Variants in HTRA1 observed in about 807,000 individuals in gnomAD.
HTRA1 encodes the protein serine protease HTRA1.
A neutral mutation model predicts 49.7 loss-of-function variants in HTRA1; 26 were observed. The observed-to-expected ratio is 0.52, with a 90% confidence interval of 0.38 to 0.73. The LOEUF is 0.73. Ranked by LOEUF, HTRA1 falls within the 30% of genes least tolerant of loss-of-function variation. The pLI, the probability that HTRA1 is intolerant of heterozygous loss-of-function variation, is 0.00. For synonymous variants in HTRA1, 291 were observed against 286.9 expected (o/e 1.01, Z -0.14); for missense variants, 561 against 667.2 (o/e 0.84, Z 1.75).
At chr10:122,479,585 G>A (rs2133431343) in intron 1 of HTRA1, among the ~76,000 whole-genome samples, 1 of 152,246 alleles carries the variant, frequency 6.6e-6, no homozygotes, top group East Asian at 1.9e-4. Context: ...TTGAAGGTTG[G>A]GTGGGATTTG....
At chr10:122,489,759 C>A in intron 3 of HTRA1, 133 bp downstream of exon 3, 2 of 842,248 alleles carry the variant, frequency 2.4e-6, no homozygotes, top group East Asian at 2.7e-5. Context: ...CACAGGAGGG[C>A]CTTGAGGAGA....
In HTRA1 at chr10:122,508,968, A is replaced by G. The variant is rs112824514; in HGVS notation, c.1120+198A>G. 5.8e-3 allele frequency among the ~76,000 whole-genome samples: 886 copies of G among 152,346 alleles called. 13 individuals carry two copies. The highest frequency in any genetic ancestry group is 0.019 in the African/African-American group (808 of 41,580). On this transcript the variant is annotated intron_variant, in intron 6 of 8. Transcript: ENST00000368984. ...ATTTCACCATTTTTGTCCTCTGATC[A>G]TGGCAATGTCACTTGAGTCAGTCTA... is the stretch of plus-strand genomic sequence containing the variant.
chr10:122,462,317 C>G (rs2097481844), intron 1 of HTRA1, among the ~76,000 whole-genome samples, 193 bp downstream of exon 1: 1 of 152,264 alleles, frequency 6.6e-6, no homozygotes, highest in Admixed American at 6.5e-5. Flanking sequence ...TCGCGCCCAG[C>G]CCGGGGCCGG....
chr10:122,489,034 C>T (rs749510834), intron 2 of HTRA1, 33 bp downstream of exon 2: 24 of 1,500,856 alleles, frequency 1.6e-5, no homozygotes, highest in East Asian at 2.3e-5. Flanking sequence ...CTATAACCTC[C>T]GAAGCTTTCA....
At chr10:122,467,394 G>C (rs762639887) in intron 1 of HTRA1, among the ~76,000 whole-genome samples, 3 of 152,142 alleles carry the variant, frequency 2.0e-5, no homozygotes, top group South Asian at 2.1e-4. Flanking sequence ...GATCTCTGAG[G>C]CTCCTTTTAA....
At chr10:122,470,002 G>C (rs2097485442) in intron 1 of HTRA1, among the ~76,000 whole-genome samples, 1 of 152,118 alleles carries the variant, frequency 6.6e-6, no homozygotes, top group Non-Finnish European at 1.5e-5. Context: ...AATGTGGTCT[G>C]TCTTGGTGAG....
intron 1 of HTRA1, among the ~76,000 whole-genome samples, chr10:122,485,423 T>C (rs2097492681): frequency 1.3e-5 from 2 of 152,210 alleles, no homozygotes; most frequent in Non-Finnish European, 2.9e-5. Flanking sequence ...ATCTCAAATT[T>C]CACATGTTAT....
At chr10:122,492,135 C>T (rs186225077) in intron 3 of HTRA1, among the ~76,000 whole-genome samples, 2 of 152,140 alleles carry the variant, frequency 1.3e-5, no homozygotes, top group East Asian at 1.9e-4. Flanking sequence ...ATCACCTACA[C>T]GGCTCCTTGT....
rs946472884 is a variant in HTRA1 at position 122,490,847 on chromosome 10, C to G, written c.777+1221C>G. Among the ~76,000 whole-genome samples, 1 of 152,154 alleles carries G rather than the reference C, an allele frequency of 6.6e-6. No individual in the cohort carries two copies. The highest frequency in any genetic ancestry group is 1.5e-5 in the Non-Finnish European group (1 of 68,034). ...GTCTTTTTATAACATCAAGTTGCTG[C>G]CCAGCTCAGGCTCCTTTACGGCCAG... On this transcript the variant is annotated intron_variant, in intron 3 of 8. Transcript: ENST00000368984. This position sits in a 1 kb window ranked among gnomAD's most constrained non-coding sequence, Gnocchi z 4.2.
intron 8 of HTRA1, among the ~76,000 whole-genome samples, chr10:122,512,736 G>A (rs775025824): frequency 6.6e-6 from 1 of 152,116 alleles, no homozygotes; most frequent in Non-Finnish European, 1.5e-5. Flanking sequence ...TGGGGGAACA[G>A]GTGGTATTTG....
intron 7 of HTRA1, among the ~76,000 whole-genome samples, chr10:122,510,824 A>T (rs1485045590): frequency 6.6e-6 from 1 of 152,264 alleles, no homozygotes; most frequent in East Asian, 1.9e-4. Flanking sequence ...TAATGTGTTC[A>T]TTACTATGAT....
chr10:122,503,684 G>T (rs554589053), intron 3 of HTRA1, among the ~76,000 whole-genome samples: 29 of 152,250 alleles, frequency 1.9e-4, no homozygotes, highest in Admixed American at 1.4e-3. Flanking sequence ...GGAAAATATA[G>T]CTCAACTCCT....
At chr10:122,481,126 G>A (rs1372517779) in intron 1 of HTRA1, among the ~76,000 whole-genome samples, 5 of 151,950 alleles carry the variant, frequency 3.3e-5, no homozygotes, top group African/African-American at 1.2e-4. Flanking sequence ...TTATTATTAT[G>A]ATCAATTCAA....
intron 1 of HTRA1, among the ~76,000 whole-genome samples, chr10:122,480,913 A>G (rs185163614): frequency 3.9e-5 from 6 of 152,280 alleles, no homozygotes; most frequent in East Asian, 1.9e-4. Flanking sequence ...GAAAATAGAC[A>G]AATACTGCAA....
At chr10:122,510,532 G>T (rs1271119522) in intron 7 of HTRA1, among the ~76,000 whole-genome samples, 1 of 152,134 alleles carries the variant, frequency 6.6e-6, no homozygotes, top group East Asian at 1.9e-4. Context: ...AGCCCCTCCC[G>T]CAGCTCTAGG....
At position 122,506,703 on chromosome 10, in the gene HTRA1, G is replaced by C; in HGVS notation, c.790G>C (p.Val264Leu). ...IKIDHQGKLP[V>L]LLLGRSSELR... is the part of the protein sequence containing the mutation. ...ATTGTGGTTTCAGGGCAAGCTGCCT[G>C]TCCTGCTGCTTGGCCGCTCCTCAGA... Residue 264 changes from valine (V) to leucine (L), a missense_variant, in exon 4 of 9, where the codon GTC (valine) becomes CTC (leucine). By Grantham distance (32) the Val-to-Leu change is conservative. This residue lies in a region of HTRA1 where 271 missense variants were observed against 410.0 expected (regional missense o/e 0.66). Coordinates refer to ENST00000368984, the MANE Select transcript of HTRA1 (RefSeq NM_002775.5). The surrounding 1 kb of genome is among the most constrained non-coding windows in gnomAD (Gnocchi z 5.2). The C allele has an allele frequency of 2.5e-6, 4 of 1,613,050 alleles. No homozygotes were observed. The highest frequency in any genetic ancestry group is 3.4e-6 in the Non-Finnish European group (4 of 1,180,008).
chr10:122,486,789 T>C (rs1365455349), intron 1 of HTRA1, among the ~76,000 whole-genome samples: 1 of 152,084 alleles, frequency 6.6e-6, no homozygotes, highest in African/African-American at 2.4e-5. Context: ...CATTTGCATG[T>C]ATATATGTGT....
At chr10:122,466,507 C>A (rs1483922989) in intron 1 of HTRA1, among the ~76,000 whole-genome samples, 2 of 152,170 alleles carry the variant, frequency 1.3e-5, no homozygotes, top group African/African-American at 4.8e-5. Flanking sequence ...GTGGGAACCT[C>A]AAACAAGCAA....
Position 122,461,731 on chromosome 10 carries a change from G to A in HTRA1, c.79G>A (p.Ala27Thr). 1 of 1,178,280 alleles carries A rather than the reference G, an allele frequency of 8.5e-7. No homozygotes were observed. Among genetic ancestry groups the A allele is most frequent in the South Asian group, 2.1e-5 (1 of 47,636 alleles). 73.0% of individuals were successfully genotyped at this position (1,178,280 alleles called of 1,614,324 possible). Residue 27 changes from alanine to threonine, a missense_variant, in exon 1 of 9, where the codon GCC (alanine) becomes ACC (threonine). Physicochemically the swap from Ala to Thr is moderately conservative, Grantham distance 58 (BLOSUM62 0). Transcript: ENST00000368984. ...AAPASAQLSR[A>T]GRSAPLAAGC... ...GCCCGCCTCGGCGCAGCTGTCCCGG[G>A]CCGGCCGCTCGGCGCCTTTGGCCGC...
Sources: gnomAD v4.1 joint callset for allele counts (sites outside exome capture counted in the v4.1 genomes callset) on GRCh38, gnomAD v4.1.1 for gene constraint, gnomAD v4.1.1 regional missense constraint, Gnocchi (gnomAD v3.1) non-coding constraint, MANE v1.5 for transcripts, NCBI Gene and HGNC (gene_info 2026-07-23, HGNC 2026-07-21) for gene names.